The following CPNE4 variants were observed in gnomAD, a reference collection of about 807,000 sequenced individuals.
CPNE4 encodes the protein copine-4.
In CPNE4, 25 loss-of-function variants were observed where a neutral mutation model predicts 67.9. The observed-to-expected ratio is 0.37, with a 90% CI of 0.27 to 0.51. CPNE4 has a LOEUF of 0.51. CPNE4 is among the 20% of genes least tolerant of loss of function. The probability of loss-of-function intolerance (pLI) is 0.93; values close to 1 mark genes in which losing one functional copy is unlikely to be tolerated. For missense variants in CPNE4, 464 were observed against 690.8 expected (o/e 0.67, Z 3.68); for synonymous variants, 242 against 244.9 (o/e 0.99, Z 0.11).
chr3:131,975,602 T>C (rs992834611), intron 1 of CPNE4, among the ~76,000 whole-genome samples: 2 of 152,140 alleles, frequency 1.3e-5, no homozygotes, highest in Admixed American at 6.5e-5. Context: ...ATGCCTACAC[T>C]GCAGAAATAA....
chr3:131,702,323 T>C (rs994371608), intron 3 of CPNE4, among the ~76,000 whole-genome samples: 2 of 152,220 alleles, frequency 1.3e-5, no homozygotes, highest in African/African-American at 2.4e-5. Context: ...ATGCTAGACT[T>C]GGTGGTAGGC....
intron 1 of CPNE4, among the ~76,000 whole-genome samples, chr3:131,920,729 A>C (rs2070719693): frequency 6.6e-6 from 1 of 152,204 alleles, no homozygotes; most frequent in South Asian, 2.1e-4. Flanking sequence ...AATATAACAA[A>C]TATGATCTAT....
intron 2 of CPNE4, among the ~76,000 whole-genome samples, chr3:131,861,381 T>C (rs1462761409): frequency 6.6e-6 from 1 of 151,722 alleles, no homozygotes; most frequent in African/African-American, 2.4e-5. Context: ...CTTATGACTC[T>C]GAGTTTAGAA....
chr3:131,984,844 T>A (rs1252735179), intron 1 of CPNE4, among the ~76,000 whole-genome samples: 1 of 152,182 alleles, frequency 6.6e-6, no homozygotes, highest in Non-Finnish European at 1.5e-5. Flanking sequence ...TTCTCAGAGT[T>A]CCCCAGTAAG....
At chr3:131,770,610 C>A (rs2107832718) in intron 2 of CPNE4, among the ~76,000 whole-genome samples, 1 of 152,304 alleles carries the variant, frequency 6.6e-6, no homozygotes, top group South Asian at 2.1e-4. Flanking sequence ...CTTCTAGAGG[C>A]CAGAGTGAAG....
chr3:131,965,564 G>A (rs987664913), intron 1 of CPNE4, among the ~76,000 whole-genome samples: 2 of 152,110 alleles, frequency 1.3e-5, no homozygotes, highest in Non-Finnish European at 1.5e-5. Context: ...AAAACATCAG[G>A]ATTTGCAATG....
At chr3:131,911,543 T>TTGTG (rs3041573) in intron 1 of CPNE4, among the ~76,000 whole-genome samples, 9,834 of 145,868 alleles carry the variant, frequency 0.067, 340 homozygotes, top group Admixed American at 0.09. Flanking sequence ...GCACTCCAAG[T>TTGTG]TGTGTGTGTG....
chr3:131,975,245 CCAGT>C (rs1360773324), intron 1 of CPNE4, among the ~76,000 whole-genome samples: 1 of 151,960 alleles, frequency 6.6e-6, no homozygotes, highest in Admixed American at 6.6e-5. Flanking sequence ...TTAAGAGAAC[CCAGT>C]CAAAGTCATG....
chr3:131,968,881 C>A (rs1418248954), intron 1 of CPNE4, among the ~76,000 whole-genome samples: 1 of 152,196 alleles, frequency 6.6e-6, no homozygotes, highest in Non-Finnish European at 1.5e-5. Context: ...GATTATAAAT[C>A]ATTCCACTAT....
intron 7 of CPNE4, among the ~76,000 whole-genome samples, chr3:131,593,135 T>TTAAAG (rs1489210640): frequency 6.6e-6 from 1 of 152,338 alleles, no homozygotes; most frequent in Admixed American, 6.5e-5. Context: ...TCAGTTTACT[T>TTAAAG]TAAAGTAAAG....
intron 2 of CPNE4, among the ~76,000 whole-genome samples, chr3:131,744,588 A>G (rs2082440481): frequency 6.6e-6 from 1 of 152,156 alleles, no homozygotes; most frequent in Non-Finnish European, 1.5e-5. Context: ...ACTTCTCTCT[A>G]TGCCTTCACC....
chr3:131,708,957 G>GATTATATATATAT (rs1472179364), intron 3 of CPNE4, among the ~76,000 whole-genome samples: 1 of 65,800 alleles, frequency 1.5e-5, no homozygotes, highest in African/African-American at 4.6e-5. Context: ...AGGGCATAAA[G>GATTATATATATAT]ATATATATAT....
intron 2 of CPNE4, among the ~76,000 whole-genome samples, chr3:131,762,821 A>G (rs1333797644): frequency 6.6e-6 from 1 of 152,040 alleles, no homozygotes; most frequent in Non-Finnish European, 1.5e-5. Flanking sequence ...TACGGATATC[A>G]TGATATTTTT....
chr3:131,920,739 T>C (rs533310987), intron 1 of CPNE4, among the ~76,000 whole-genome samples: 45 of 152,278 alleles, frequency 3.0e-4, no homozygotes, highest in African/African-American at 9.6e-4. Flanking sequence ...ATATGATCTA[T>C]GGTGTCATCT....
At chr3:132,037,507 A>G (rs1583630891), upstream of CPNE4, 1 of 1,410,952 alleles carries the variant, frequency 7.1e-7, no homozygotes, top group East Asian at 2.5e-5. Context: ...CGCCAGCCAC[A>G]GTCCCCTCAA....
chr3:131,689,341 A>C (rs912903292), intron 5 of CPNE4, among the ~76,000 whole-genome samples: 1 of 152,166 alleles, frequency 6.6e-6, no homozygotes, highest in Non-Finnish European at 1.5e-5. Context: ...ATCCTCAACA[A>C]AATACTAGCA....
chr3:131,814,986 A>G (rs1006683891), intron 2 of CPNE4, among the ~76,000 whole-genome samples: 3 of 152,298 alleles, frequency 2.0e-5, no homozygotes, highest in African/African-American at 7.2e-5. Context: ...AATCAAGAAG[A>G]GTTCTAAAGG....
chr3:131,951,784 C>CAGG (rs2071733514), intron 1 of CPNE4, among the ~76,000 whole-genome samples: 1 of 152,202 alleles, frequency 6.6e-6, no homozygotes, highest in African/African-American at 2.4e-5. Flanking sequence ...GGGCTGGTCT[C>CAGG]CAGCTCCTAA....
At chr3:131,849,758 T>C (rs943466900) in intron 2 of CPNE4, among the ~76,000 whole-genome samples, 2 of 151,970 alleles carry the variant, frequency 1.3e-5, no homozygotes, top group African/African-American at 2.4e-5. Context: ...AAGAAGAAAA[T>C]GAAAAATTCA....
Sources: allele counts gnomAD v4.1 joint callset (sites outside exome capture counted in the v4.1 genomes callset), GRCh38; gene constraint gnomAD v4.1.1; transcripts MANE v1.5; gene names NCBI Gene and HGNC (gene_info 2026-07-23, HGNC 2026-07-21).